Variants in PIP4K2B observed in about 807,000 individuals in gnomAD.
PIP4K2B encodes the protein phosphatidylinositol-5-phosphate 4-kinase type 2 beta.
A neutral mutation model predicts 42.0 loss-of-function variants in PIP4K2B; 3 were observed. The observed-to-expected ratio is 0.07, with a 90% CI of 0.03 to 0.18. The LOEUF (loss-of-function observed/expected upper bound fraction) is 0.18, where lower values mean the gene tolerates loss of function less well. Among genes scored for constraint, PIP4K2B ranks in the 10% least tolerant of loss-of-function variants. The pLI, the probability that PIP4K2B is intolerant of heterozygous loss-of-function variation, is 1.00. For missense variants in PIP4K2B, 332 were observed against 562.3 expected (o/e 0.59, Z 4.14); for synonymous variants, 204 against 210.1 (o/e 0.97, Z 0.25).
At chr17:38,789,807 T>C (rs1452428214) in intron 1 of PIP4K2B, among the ~76,000 whole-genome samples, 3 of 152,086 alleles carry the variant, frequency 2.0e-5, no homozygotes, top group African/African-American at 4.8e-5. Context: ...AGTTTATAAG[T>C]TGGCAGTGGA....
chr17:38,791,733 T>C (rs1199677732), intron 1 of PIP4K2B, among the ~76,000 whole-genome samples: 1 of 150,346 alleles, frequency 6.7e-6, no homozygotes, highest in Non-Finnish European at 1.5e-5. Flanking sequence ...CTATTCAATT[T>C]ACTTCTACTC....
intron 1 of PIP4K2B, among the ~76,000 whole-genome samples, chr17:38,795,836 T>C (rs1306778586): frequency 6.6e-6 from 1 of 150,552 alleles, no homozygotes; most frequent in African/African-American, 2.4e-5. Context: ...ATCACAGAAA[T>C]GCCAATCAAA....
At chr17:38,784,121 C>T (rs1909866127) in intron 3 of PIP4K2B, 122 bp downstream of exon 3, 1 of 637,482 alleles carries the variant, frequency 1.6e-6, no homozygotes, top group African/African-American at 1.8e-5. Flanking sequence ...TGGGCTGGAG[C>T]AAGGCATGAC....
rs1244778054 is a variant in PIP4K2B, at chr17:38,770,312, GGAA to G, written c.1170+121_1170+123del. ...GCTGCTCTTCCAGTCTGCTCTCCTG[GGAA>G]GAAGGAGACAGGAGTGTGTTCCTTG... On this transcript the variant is annotated intron_variant, in intron 9 of 9. Coordinates refer to ENST00000619039, the MANE Select transcript of PIP4K2B (RefSeq NM_003559.5). The G allele has an allele frequency of 3.8e-4, 263 of 683,802 alleles. 1 individual carries two copies. The East Asian group carries it at 6.3e-3, about 16-fold the overall frequency. The allele number at this position is 683,802 out of a possible 1,614,324, so 42.4% of individuals were successfully genotyped here.
chr17:38,785,619 C>T (rs2143429152), intron 2 of PIP4K2B, among the ~76,000 whole-genome samples: 1 of 152,304 alleles, frequency 6.6e-6, no homozygotes, highest in Admixed American at 6.5e-5. Context: ...GCAGAGGTTG[C>T]AGTGAGCCAA....
intron 7 of PIP4K2B, among the ~76,000 whole-genome samples, chr17:38,774,926 A>C (rs962046570): frequency 6.6e-6 from 1 of 151,528 alleles, no homozygotes; most frequent in Non-Finnish European, 1.5e-5. Context: ...ATACAATGGA[A>C]TATTAATCAG....
Position 38,799,170 on chromosome 17 carries a change from C to A in PIP4K2B, c.159+96G>T. ...AAGTGGCTTGGCGAGGGGTGGCAGG[C>A]GTCACCGGCAGGGCCTGCGGGGCAA... On this transcript the variant is annotated intron_variant, in intron 1 of 9. Coordinates refer to ENST00000619039, the MANE Select transcript of PIP4K2B (RefSeq NM_003559.5). The surrounding 1 kb of genome is among the most constrained non-coding windows in gnomAD (Gnocchi z 4.4). 1 of 1,297,040 alleles carries A rather than the reference C, an allele frequency of 7.7e-7. No individual in the cohort carries two copies. Among genetic ancestry groups the A allele is most frequent in the South Asian group, 1.6e-5 (1 of 62,270 alleles). The allele number at this position is 1,297,040 out of a possible 1,614,324, so 80.3% of individuals were successfully genotyped here. A position where few individuals can be genotyped will look rare whatever the true frequency, so the allele number is the denominator to read the frequency against.
chr17:38,792,089 C>T (rs1910373219), intron 1 of PIP4K2B, among the ~76,000 whole-genome samples: 1 of 151,572 alleles, frequency 6.6e-6, no homozygotes, highest in Non-Finnish European at 1.5e-5. Context: ...GAACCAGACT[C>T]CGTCTCAAAA....
intron 6 of PIP4K2B, 70 bp downstream of exon 6, chr17:38,778,264 G>C (rs1909480316): frequency 7.0e-7 from 1 of 1,433,144 alleles, no homozygotes; most frequent in South Asian, 1.1e-5. Flanking sequence ...GTGGGCGAGG[G>C]ACAGGATGGC....
chr17:38,782,198 CCTCT>C (rs1909753948), intron 3 of PIP4K2B, among the ~76,000 whole-genome samples: 1 of 152,192 alleles, frequency 6.6e-6, no homozygotes, highest in Non-Finnish European at 1.5e-5. Context: ...CCCAGCCTGG[CCTCT>C]CTACCATAAG....
chr17:38,785,987 C>T (rs1343526198), intron 2 of PIP4K2B, among the ~76,000 whole-genome samples: 2 of 152,172 alleles, frequency 1.3e-5, no homozygotes, highest in African/African-American at 2.4e-5. Flanking sequence ...TGGAGACAGA[C>T]GGCTTCTAGA....
chr17:38,783,457 C>T (rs1412773661), intron 3 of PIP4K2B, among the ~76,000 whole-genome samples: 1 of 152,184 alleles, frequency 6.6e-6, no homozygotes, highest in African/African-American at 2.4e-5. Context: ...AGACCAACTC[C>T]CCACTCCCAC....
chr17:38,786,795 A>C (rs1263275721), intron 2 of PIP4K2B, 28 bp downstream of exon 2: 4 of 1,444,296 alleles, frequency 2.8e-6, no homozygotes, highest in Admixed American at 1.7e-5. Flanking sequence ...TGCCCACAAA[A>C]CCTGAGTCCA....
intron 3 of PIP4K2B, among the ~76,000 whole-genome samples, chr17:38,781,414 G>A (rs939231687): frequency 6.6e-6 from 1 of 152,168 alleles, no homozygotes; most frequent in East Asian, 1.9e-4. Context: ...AAGCAACGGT[G>A]AGGGGAGATC....
chr17:38,771,546 CAAAAAAAAAAAA>C (rs58817119), intron 7 of PIP4K2B, among the ~76,000 whole-genome samples: 2 of 39,778 alleles, frequency 5.0e-5, no homozygotes, highest in East Asian at 1.4e-3. Flanking sequence ...GAGATGGTCT[CAAAAAAAAAAAA>C]AAAAAAAAAA....
intron 1 of PIP4K2B, among the ~76,000 whole-genome samples, chr17:38,788,932 T>C (rs1910191656): frequency 7.0e-6 from 1 of 143,750 alleles, no homozygotes; most frequent in African/African-American, 2.7e-5. Flanking sequence ...GCAACAAGAG[T>C]GAGACTCTGT....
chr17:38,782,111 TA>T (rs1262879644), intron 3 of PIP4K2B, among the ~76,000 whole-genome samples: 1 of 152,148 alleles, frequency 6.6e-6, no homozygotes, highest in Non-Finnish European at 1.5e-5. Context: ...GCAAAGGTGC[TA>T]AAGTAGCACC....
chr17:38,779,347 G>A, intron 5 of PIP4K2B, 36 bp downstream of exon 5: 2 of 1,585,216 alleles, frequency 1.3e-6, no homozygotes, highest in Non-Finnish European at 1.7e-6. Flanking sequence ...TCAGATAGAG[G>A]GGAGGCACAG....
intron 7 of PIP4K2B, among the ~76,000 whole-genome samples, chr17:38,773,600 T>C (rs1909161922): frequency 6.6e-6 from 1 of 152,174 alleles, no homozygotes. Context: ...AGGAGACTGT[T>C]AGACTGACCA....
Sources: allele counts gnomAD v4.1 joint callset (sites outside exome capture counted in the v4.1 genomes callset), GRCh38; gene constraint gnomAD v4.1.1; non-coding constraint Gnocchi (gnomAD v3.1); transcripts MANE v1.5; gene names NCBI Gene and HGNC (gene_info 2026-07-23, HGNC 2026-07-21).